The following PAH variants were observed in gnomAD, a reference collection of about 807,000 sequenced individuals.
PAH encodes phenylalanine-4-hydroxylase.
PAH carries 64 observed loss-of-function variants against 62.0 expected under a neutral mutation model. That is an observed-to-expected ratio of 1.03 (90% confidence interval 0.84 to 1.27). PAH has a LOEUF of 1.27. Ranked by LOEUF, PAH falls within the 50% of genes most tolerant of loss-of-function variation. PAH has a pLI of 0.00. For synonymous variants in PAH, 195 were observed against 196.2 expected (o/e 0.99, Z 0.05); for missense variants, 579 against 542.8 (o/e 1.07, Z -0.66).
At chr12:102,864,720 A>G (rs1875873087) in intron 5 of PAH, among the ~76,000 whole-genome samples, 1 of 152,034 alleles carries the variant, frequency 6.6e-6, no homozygotes, top group Admixed American at 6.6e-5. Flanking sequence ...TAGTCTGGGA[A>G]TGACTGTGAA....
intron 2 of PAH, among the ~76,000 whole-genome samples, chr12:102,907,873 C>A (rs1878039373): frequency 6.6e-6 from 1 of 152,158 alleles, no homozygotes. Context: ...CCGCCTTGGC[C>A]TTCCAAAGTG....
intron 5 of PAH, among the ~76,000 whole-genome samples, chr12:102,857,512 A>C (rs956624315): frequency 6.6e-6 from 1 of 152,186 alleles, no homozygotes. Context: ...ACTCCAAGAC[A>C]CATAATTGTC....
At chr12:102,917,499 G>A, upstream of PAH, 1 of 327,708 alleles carries the variant, frequency 3.1e-6, no homozygotes, top group Non-Finnish European at 5.9e-6. Context: ...AGGCACTTCC[G>A]GGACTCTCAG....
intron 12 of PAH, among the ~76,000 whole-genome samples, chr12:102,839,443 C>A (rs1158779091): frequency 6.6e-6 from 1 of 152,198 alleles, no homozygotes; most frequent in African/African-American, 2.4e-5. Context: ...TAGGTCACTT[C>A]CCAGGGAAGG....
At chr12:102,921,032 T>C (rs937397501), upstream of PAH, among the ~76,000 whole-genome samples, 2 of 152,204 alleles carry the variant, frequency 1.3e-5, no homozygotes, top group African/African-American at 2.4e-5. Context: ...TTTTCTGGGA[T>C]AGAAGAGTGG....
chr12:102,874,764 C>T (rs1473225151), intron 4 of PAH, among the ~76,000 whole-genome samples: 1 of 152,202 alleles, frequency 6.6e-6, no homozygotes, highest in East Asian at 1.9e-4. Context: ...ATTTCATTTT[C>T]CCACTTAGCT....
At chr12:102,945,200 C>G (rs1254826279) in intron 1 of PAH, 1 of 152,514 alleles carries the variant, frequency 6.6e-6, no homozygotes, top group African/African-American at 2.4e-5. Context: ...GTCACCACCA[C>G]TAGGACTTCA....
chr12:102,871,540 T>G (rs1339646175), intron 4 of PAH, among the ~76,000 whole-genome samples: 7 of 152,184 alleles, frequency 4.6e-5, no homozygotes, highest in Non-Finnish European at 8.8e-5. Context: ...ATGTTAATAA[T>G]GATTAAACTC....
chr12:102,854,233 C>T (rs1875305306), intron 6 of PAH, among the ~76,000 whole-genome samples: 1 of 152,166 alleles, frequency 6.6e-6, no homozygotes, highest in Non-Finnish European at 1.5e-5. Flanking sequence ...CTACAACTTC[C>T]CTTCCTGCCA....
rs551450261 is a variant in PAH at position 102,894,329 on chromosome 12, G to A, written c.352+406C>T. 4.7e-5 allele frequency among the ~76,000 whole-genome samples: 7 copies of A among 150,112 alleles called. No individual in the cohort carries two copies. The South Asian group carries it at 8.4e-4, about 18-fold the overall frequency. On this transcript the variant is annotated intron_variant, in intron 3 of 12. Coordinates refer to ENST00000553106, the MANE Select transcript of PAH (RefSeq NM_000277.3). ...AATTCCCATGACACACAATTTACCC[G>A]TGTAACAAACCTGTACATATAACCC...
intron 4 of PAH, among the ~76,000 whole-genome samples, chr12:102,868,560 A>G (rs1173638905): frequency 6.6e-6 from 1 of 152,028 alleles, no homozygotes; most frequent in Non-Finnish European, 1.5e-5. Flanking sequence ...ATGGTTTTTA[A>G]TCGTTAATTA....
rs1439603624 is a variant in PAH, at chr12:102,840,442, C to T, written c.1273G>A (p.Asp425Asn). 3 of 1,613,814 alleles carry T rather than the reference C, an allele frequency of 1.9e-6. No individual in the cohort carries two copies. In the African/African-American group the frequency reaches 4.0e-5, roughly 22 times the overall value. The change falls in exon 12 of 13, where the codon GAC (aspartate) becomes AAC (asparagine). Residue 425 changes from aspartate (D) to asparagine (N), a missense_variant. By Grantham distance (23) the Asp-to-Asn change is conservative. Transcript: ENST00000553106. ...AAAATCTTAAGCTGCTGGGTATTGT[C>T]CAAGACCTCAATCCTTTGGGTGTAT... Reference protein sequence around the residue: ...DPYTQRIEVLDNTQQLKILAD... With the variant: ...DPYTQRIEVLNNTQQLKILAD...
Position 102,860,858 on chromosome 12 carries a change from T to C in PAH, c.510-5526A>G, listed in dbSNP as rs1386090169. On this transcript the variant is annotated intron_variant, in intron 5 of 12. Transcript: ENST00000553106. The stretch of plus-strand genomic sequence containing the variant: ...TCAAGATGGATTAAAGACTTAAATG[T>C]TAGACCTAAAACCATAAAAACCCTA... 5.9e-5 allele frequency among the ~76,000 whole-genome samples: 9 copies of C among 152,342 alleles called. No individual in the cohort carries two copies. In the East Asian group the frequency reaches 1.7e-3, roughly 29 times the overall value.
chr12:102,950,346 G>A (rs1291576750), intron 1 of PAH: 1 of 152,352 alleles, frequency 6.6e-6, no homozygotes, highest in African/African-American at 2.4e-5. Context: ...CAGTTTCCCT[G>A]GCAGATGCCG....
At chr12:102,935,919 A>G (rs970425081) in intron 1 of PAH, among the ~76,000 whole-genome samples, 8 of 147,364 alleles carry the variant, frequency 5.4e-5, no homozygotes, top group African/African-American at 1.8e-4. Flanking sequence ...TTTTTCTTCT[A>G]TTAATTTTGG....
At chr12:102,881,969 A>G (rs148333674) in intron 3 of PAH, among the ~76,000 whole-genome samples, 398 of 152,310 alleles carry the variant, frequency 2.6e-3, no homozygotes, top group Non-Finnish European at 3.9e-3. Context: ...TCCTTTGAGT[A>G]TATACTCAGA....
intron 8 of PAH, 23 bp downstream of exon 8, chr12:102,851,664 A>G (rs774242938): frequency 6.2e-7 from 1 of 1,607,350 alleles, no homozygotes; most frequent in Non-Finnish European, 8.5e-7. Context: ...TATAACTAGA[A>G]GGCTAAAAAA....
chr12:102,926,157 C>T (rs1026974507), intron 1 of PAH, among the ~76,000 whole-genome samples: 2 of 151,984 alleles, frequency 1.3e-5, no homozygotes, highest in Non-Finnish European at 2.9e-5. Context: ...GCAAGATAAA[C>T]TCAGTACTTA....
intron 1 of PAH, among the ~76,000 whole-genome samples, chr12:102,924,411 T>C (rs1373324937): frequency 6.6e-6 from 1 of 152,192 alleles, no homozygotes; most frequent in Non-Finnish European, 1.5e-5. Flanking sequence ...GTTTTATGCA[T>C]TTGTAAAGAA....
Sources: allele counts gnomAD v4.1 joint callset (sites outside exome capture counted in the v4.1 genomes callset), GRCh38; gene constraint gnomAD v4.1.1; transcripts MANE v1.5; gene names NCBI Gene and HGNC (gene_info 2026-07-23, HGNC 2026-07-21).